Variants in AP1S3 observed in about 807,000 individuals in gnomAD.
The protein encoded by AP1S3 is AP-1 complex subunit sigma-3.
In AP1S3, 10 loss-of-function variants were observed where a neutral mutation model predicts 20.9. The observed-to-expected ratio is 0.48, with a 90% CI of 0.29 to 0.81. AP1S3 has a LOEUF of 0.81. Ranked by LOEUF, AP1S3 falls within the 30% of genes least tolerant of loss-of-function variation. The pLI, the probability that AP1S3 is intolerant of heterozygous loss-of-function variation, is 0.08. For missense variants in AP1S3, 154 were observed against 183.8 expected (o/e 0.84, Z 0.94); for synonymous variants, 41 against 61.5 (o/e 0.67, Z 1.56).
At chr2:223,759,789 G>T (rs77317877) in intron 4 of AP1S3, among the ~76,000 whole-genome samples, 3 of 151,964 alleles carry the variant, frequency 2.0e-5, no homozygotes, top group African/African-American at 7.3e-5. Flanking sequence ...CCTCTGAAAG[G>T]CTCCAGTGTG....
At chr2:223,810,416 C>A (rs1390048217) in intron 1 of AP1S3, among the ~76,000 whole-genome samples, 1 of 152,108 alleles carries the variant, frequency 6.6e-6, no homozygotes, top group Non-Finnish European at 1.5e-5. Flanking sequence ...GGGCTCGAGC[C>A]TCCCACCTCA....
chr2:223,837,231 G>A (rs756767368), intron 1 of AP1S3, among the ~76,000 whole-genome samples: 4 of 151,430 alleles, frequency 2.6e-5, no homozygotes, highest in Non-Finnish European at 4.4e-5. Context: ...CCGCGGCGCC[G>A]CGGCGCCGCG....
At position 223,767,276 on chromosome 2, in the gene AP1S3, C is replaced by G. The variant is rs189783134; in HGVS notation, c.292-1926G>C. Among the ~76,000 whole-genome samples, 3 of 152,282 alleles carry G rather than the reference C, an allele frequency of 2.0e-5. No homozygotes were observed. The East Asian group carries it at 5.8e-4, about 29-fold the overall frequency. On this transcript the variant is annotated intron_variant, in intron 3 of 4. Transcript: ENST00000396654. ...CACATGTGGTACTCTTCACCAATCT[C>G]TCTTCCTTGAAAATCTCTTCTCCCT...
intron 1 of AP1S3, among the ~76,000 whole-genome samples, chr2:223,832,255 T>G (rs1271045578): frequency 6.7e-6 from 1 of 149,894 alleles, no homozygotes; most frequent in African/African-American, 2.5e-5. Context: ...GGGCAGACAT[T>G]GACAACACCG....
At chr2:223,835,658 GA>G (rs1177465406) in intron 1 of AP1S3, among the ~76,000 whole-genome samples, 2 of 150,806 alleles carry the variant, frequency 1.3e-5, no homozygotes, top group African/African-American at 2.4e-5. Flanking sequence ...CCGTCTCGAA[GA>G]AAAAAAAATA....
chr2:223,815,831 G>A (rs1460188066), intron 1 of AP1S3, among the ~76,000 whole-genome samples: 1 of 152,132 alleles, frequency 6.6e-6, no homozygotes, highest in African/African-American at 2.4e-5. Flanking sequence ...AAGAGTCAGG[G>A]ACAGGCAGTG....
At chr2:223,775,771 G>A (rs1385179552) in intron 3 of AP1S3, 130 bp downstream of exon 3, 1 of 692,416 alleles carries the variant, frequency 1.4e-6, no homozygotes, top group African/African-American at 1.8e-5. Flanking sequence ...GGGGACTAAG[G>A]TGATCTTCGG....
chr2:223,763,684 G>C (rs984452770), intron 4 of AP1S3, among the ~76,000 whole-genome samples: 1 of 152,188 alleles, frequency 6.6e-6, no homozygotes, highest in Non-Finnish European at 1.5e-5. Context: ...CTCTGGTAAT[G>C]AATGCATTGG....
At chr2:223,761,327 CGCTTTT>C (rs1037561964) in intron 4 of AP1S3, among the ~76,000 whole-genome samples, 10 of 152,306 alleles carry the variant, frequency 6.6e-5, no homozygotes, top group African/African-American at 2.2e-4. Flanking sequence ...ACATGGTTTA[CGCTTTT>C]AAGGGTGACA....
At chr2:223,812,524 C>A (rs1691756099) in intron 1 of AP1S3, among the ~76,000 whole-genome samples, 1 of 152,100 alleles carries the variant, frequency 6.6e-6, no homozygotes, top group Non-Finnish European at 1.5e-5. Flanking sequence ...GCCCAGCCAG[C>A]ATGTGAGCCT....
chr2:223,773,166 A>G (rs1690673697), intron 3 of AP1S3: 1 of 659,712 alleles, frequency 1.5e-6, no homozygotes, highest in South Asian at 1.9e-5. Context: ...GCCCTGAGAT[A>G]TCTGGCTGAA....
At chr2:223,782,747 G>C (rs1690978429) in intron 1 of AP1S3, among the ~76,000 whole-genome samples, 1 of 152,172 alleles carries the variant, frequency 6.6e-6, no homozygotes, top group African/African-American at 2.4e-5. Flanking sequence ...ATAGATTCAA[G>C]CTTATCCAAT....
chr2:223,755,862 T>C lies in AP1S3; in HGVS notation c.*2853A>G, dbSNP rs1359067867. On this transcript the variant is annotated 3_prime_UTR_variant, in exon 5 of 5. Coordinates refer to ENST00000396654, the MANE Select transcript of AP1S3 (RefSeq NM_001039569.2). ...ATTTACTTTCTATGTGTGACACTGA[T>C]TGAAGTCTGAGAAGCCCTGTCCATA... 1.0e-6 allele frequency: 1 copy of C among 985,286 alleles called. No homozygotes were observed. The highest frequency in any genetic ancestry group is 1.2e-6 in the Non-Finnish European group (1 of 829,928). The allele number at this position is 985,286 out of a possible 1,614,324, so 61.0% of individuals were successfully genotyped here. A position where few individuals can be genotyped will look rare whatever the true frequency, so the allele number is the denominator to read the frequency against.
chr2:223,780,341 A>T lies in AP1S3; in HGVS notation c.4-2472T>A, dbSNP rs1445781344. Among the ~76,000 whole-genome samples the T allele has an allele frequency of 1.3e-4, 16 of 121,764 alleles. No homozygotes were observed. The East Asian group carries it at 1.8e-3, about 14-fold the overall frequency. 79.9% of individuals were successfully genotyped at this position (121,764 alleles called of 152,430 possible). A position where few individuals can be genotyped will look rare whatever the true frequency, so the allele number is the denominator to read the frequency against. Reference sequence around the variant, plus strand: ...GAGAGAGAGAGAGAGAGAGAGAGAGAGAGAGAGAGAGAGAGAGTGTGTGTG... The same window carrying T: ...GAGAGAGAGAGAGAGAGAGAGAGAGTGAGAGAGAGAGAGAGAGTGTGTGTG... On this transcript the variant is annotated intron_variant, in intron 1 of 4. Transcript: ENST00000396654.
intron 1 of AP1S3, among the ~76,000 whole-genome samples, chr2:223,792,673 A>G (rs1311543197): frequency 6.6e-6 from 1 of 152,188 alleles, no homozygotes; most frequent in African/African-American, 2.4e-5. Flanking sequence ...AGCAGATTTC[A>G]TGACAAAAAT....
chr2:223,783,829 C>T lies in AP1S3; in HGVS notation c.4-5960G>A, dbSNP rs7583599. Among the ~76,000 whole-genome samples, 789 of 151,404 alleles carry T rather than the reference C, an allele frequency of 5.2e-3. 9 individuals carry two copies. The highest frequency in any genetic ancestry group is 0.018 in the African/African-American group (749 of 40,740). ...TATCTCAGGACCTGAGCTGCTCAGACAAATACTCAGGCTGTGATTGGCCCA... is the reference window on the plus strand; with the variant it reads ...TATCTCAGGACCTGAGCTGCTCAGATAAATACTCAGGCTGTGATTGGCCCA... On this transcript the variant is annotated intron_variant, in intron 1 of 4. Transcript: ENST00000396654.
At position 223,827,320 on chromosome 2, in the gene AP1S3, TA is replaced by T. The variant is rs922105122; in HGVS notation, c.3+10127del. ...CTATACAGACTTCTGAATCATACTT[TA>T]AAAAAAAATGTGATATTACTGTAAC... On this transcript the variant is annotated intron_variant, in intron 1 of 4. Coordinates refer to ENST00000396654, the MANE Select transcript of AP1S3 (RefSeq NM_001039569.2). Among the ~76,000 whole-genome samples the T allele has an allele frequency of 1.8e-4, 28 of 151,724 alleles. No homozygotes were observed. The East Asian group carries it at 2.3e-3, about 13-fold the overall frequency.
intron 1 of AP1S3, among the ~76,000 whole-genome samples, chr2:223,817,334 T>A (rs1284497877): frequency 6.6e-6 from 1 of 151,726 alleles, no homozygotes; most frequent in South Asian, 2.1e-4. Context: ...GGGGGCTGGG[T>A]GTGGTAGCTC....
chr2:223,758,892 A>G, intron 4 of AP1S3, 142 bp from the exon 5 acceptor site: 2 of 695,576 alleles, frequency 2.9e-6, no homozygotes, highest in Non-Finnish European at 2.3e-6. Context: ...AAATCTTTGC[A>G]TTCTAATCAA....
Sources: allele counts gnomAD v4.1 joint callset (sites outside exome capture counted in the v4.1 genomes callset), GRCh38; gene constraint gnomAD v4.1.1; transcripts MANE v1.5; gene names NCBI Gene and HGNC (gene_info 2026-07-23, HGNC 2026-07-21).